Variants in IGSF21 observed in about 807,000 individuals in gnomAD.
IGSF21 encodes immunoglobin superfamily member 21, also known as immunoglobulin superfamily member 21.
A neutral mutation model predicts 46.8 loss-of-function variants in IGSF21; 28 were observed. The ratio of observed to expected loss-of-function variants is 0.60; its 90% CI spans 0.44 to 0.82. IGSF21 has a LOEUF of 0.82. IGSF21 is among the 40% of genes least tolerant of loss of function. IGSF21 has a pLI of 0.00. For missense variants in IGSF21, 624 were observed against 665.5 expected (o/e 0.94, Z 0.69); for synonymous variants, 284 against 273.6 (o/e 1.04, Z -0.38).
chr1:18,278,530 TTTTTGTTTG>T, intron 2 of IGSF21, among the ~76,000 whole-genome samples: 1 of 142,232 alleles, frequency 7.0e-6, no homozygotes, highest in African/African-American at 2.7e-5. Context: ...TGTAAGGTTT[TTTTTGTTTG>T]TTTGTTTGTT....
intron 1 of IGSF21, among the ~76,000 whole-genome samples, chr1:18,194,073 G>A (rs71643502): frequency 0.012 from 1,752 of 152,288 alleles, 7 homozygotes; most frequent in African/African-American, 0.019. Flanking sequence ...GAGTGAAAGA[G>A]TGAATGAGTG....
In IGSF21 at chr1:18,108,023, C is replaced by A; in HGVS notation, c.-106C>A. The A allele has an allele frequency of 4.8e-6, 2 of 413,958 alleles. No homozygotes were observed. Among genetic ancestry groups the A allele is most frequent in the Non-Finnish European group, 3.8e-6 (1 of 264,186 alleles). The allele number at this position is 413,958 out of a possible 1,614,324, so 25.6% of individuals were successfully genotyped here. A position where few individuals can be genotyped will look rare whatever the true frequency, so the allele number is the denominator to read the frequency against. On this transcript the variant is annotated 5_prime_UTR_variant, in exon 1 of 10. It introduces an in-frame stop codon into an upstream open reading frame of the 5' UTR. Coordinates refer to ENST00000251296, the MANE Select transcript of IGSF21 (RefSeq NM_032880.5). ...CTCTCCGCGCTGCCCGCCACCGCCT[C>A]GGCCAGTGGCCGGAGGCAGGAGCGC...
chr1:18,239,007 C>T (rs1271963876), intron 2 of IGSF21, among the ~76,000 whole-genome samples: 3 of 152,172 alleles, frequency 2.0e-5, no homozygotes, highest in Admixed American at 6.5e-5. Context: ...TGGGTGCCTC[C>T]CAGGTCAGGG....
chr1:18,177,394 T>TGGTCGTGTGTGGGGATGGGGTCAGTGAG (rs1557573372), intron 1 of IGSF21, among the ~76,000 whole-genome samples: 25 of 71,334 alleles, frequency 3.5e-4, no homozygotes, highest in African/African-American at 1.0e-3. Flanking sequence ...GTCAGTGAGG[T>TGGTCGTGTGTGGGGATGGGGTCAGTGAG]GTGTGTGTGT....
At chr1:18,282,911 G>A (rs540565412) in intron 2 of IGSF21, among the ~76,000 whole-genome samples, 26 of 152,216 alleles carry the variant, frequency 1.7e-4, no homozygotes, top group East Asian at 3.9e-4. Flanking sequence ...GTACAGCCTC[G>A]TAGGCAGCCT....
At chr1:18,212,743 G>A (rs1018350911) in intron 1 of IGSF21, among the ~76,000 whole-genome samples, 1 of 152,188 alleles carries the variant, frequency 6.6e-6, no homozygotes, top group African/African-American at 2.4e-5. Flanking sequence ...AGACAGCCAT[G>A]GGCTGTCAGG....
At chr1:18,131,621 C>T (rs929228559) in intron 1 of IGSF21, among the ~76,000 whole-genome samples, 1 of 152,194 alleles carries the variant, frequency 6.6e-6, no homozygotes, top group Non-Finnish European at 1.5e-5. Flanking sequence ...GGCACAAGCT[C>T]GATAGAAGTT....
At chr1:18,372,887 TGG>T (rs2086243048) in intron 6 of IGSF21, among the ~76,000 whole-genome samples, 3 of 151,672 alleles carry the variant, frequency 2.0e-5, no homozygotes. Context: ...GATGGATGGA[TGG>T]ATGAGTGGGT....
At chr1:18,281,971 T>C (rs2085165206) in intron 2 of IGSF21, among the ~76,000 whole-genome samples, 1 of 152,186 alleles carries the variant, frequency 6.6e-6, no homozygotes, top group Non-Finnish European at 1.5e-5. Flanking sequence ...CTCCCAGCTC[T>C]GCGGACTCCT....
intron 1 of IGSF21, among the ~76,000 whole-genome samples, chr1:18,138,937 G>T (rs2086390630): frequency 6.6e-6 from 1 of 152,220 alleles, no homozygotes; most frequent in Non-Finnish European, 1.5e-5. Context: ...TTGGGATTCA[G>T]ACCTGTCATT....
At chr1:18,230,238 T>C (rs1024111239) in intron 2 of IGSF21, among the ~76,000 whole-genome samples, 1 of 152,180 alleles carries the variant, frequency 6.6e-6, no homozygotes, top group Non-Finnish European at 1.5e-5. Context: ...GGAGGATCCA[T>C]GTCCTGGGCT....
chr1:18,122,651 C>T (rs142576710), intron 1 of IGSF21, among the ~76,000 whole-genome samples: 4,286 of 142,814 alleles, frequency 0.03, 203 homozygotes, highest in African/African-American at 0.1. Context: ...GATGGAGTCT[C>T]GCTCTGTCAC....
At chr1:18,326,046 C>G (rs932398580) in intron 3 of IGSF21, among the ~76,000 whole-genome samples, 1 of 152,206 alleles carries the variant, frequency 6.6e-6, no homozygotes, top group Non-Finnish European at 1.5e-5. Context: ...CCATGCCCCC[C>G]CCTTTTTTTT....
intron 9 of IGSF21, among the ~76,000 whole-genome samples, chr1:18,377,974 C>T (rs941919914): frequency 6.6e-6 from 1 of 152,194 alleles, no homozygotes; most frequent in African/African-American, 2.4e-5. Context: ...CACACCCCCT[C>T]CCTACATGGA....
At chr1:18,258,661 G>A (rs2084913851) in intron 2 of IGSF21, among the ~76,000 whole-genome samples, 1 of 152,202 alleles carries the variant, frequency 6.6e-6, no homozygotes. Context: ...TGCATTCAAA[G>A]CTTGGTCCTT....
At chr1:18,298,915 G>A (rs1176062845) in intron 3 of IGSF21, among the ~76,000 whole-genome samples, 3 of 152,178 alleles carry the variant, frequency 2.0e-5, no homozygotes, top group South Asian at 4.1e-4. Flanking sequence ...GACCTACTTG[G>A]CATTTAGAAA....
chr1:18,327,488 T>C (rs1185278742), intron 3 of IGSF21, among the ~76,000 whole-genome samples: 7 of 152,180 alleles, frequency 4.6e-5, no homozygotes, highest in African/African-American at 1.4e-4. Flanking sequence ...GAGAGAGCCA[T>C]CCAGGTGTCC....
intron 2 of IGSF21, among the ~76,000 whole-genome samples, chr1:18,285,166 G>A (rs1329788280): frequency 1.3e-5 from 2 of 149,678 alleles, no homozygotes; most frequent in Admixed American, 1.4e-4. Context: ...GGAAGGTGGG[G>A]GGAGGTGATA....
chr1:18,175,997 C>T (rs867171790), intron 1 of IGSF21, among the ~76,000 whole-genome samples: 1 of 152,198 alleles, frequency 6.6e-6, no homozygotes, highest in Non-Finnish European at 1.5e-5. Flanking sequence ...CTGGGCATGC[C>T]GCTGGATGTG....
Sources: allele counts gnomAD v4.1 joint callset (sites outside exome capture counted in the v4.1 genomes callset), GRCh38; gene constraint gnomAD v4.1.1; transcripts MANE v1.5; gene names NCBI Gene and HGNC (gene_info 2026-07-23, HGNC 2026-07-21).